OSBPL11: variants seen among roughly 807,000 people sequenced by gnomAD.
OSBPL11 encodes the protein oxysterol binding protein like 11.
Under a neutral mutation model 84.4 loss-of-function variants are expected in OSBPL11, and 33 were observed. The ratio of observed to expected loss-of-function variants is 0.39; its 90% CI spans 0.30 to 0.52. OSBPL11 has a LOEUF of 0.52. OSBPL11 is among the 20% of genes least tolerant of loss of function. The probability of loss-of-function intolerance (pLI) is 0.72; values close to 1 mark genes in which losing one functional copy is unlikely to be tolerated. For missense variants in OSBPL11, 736 were observed against 901.1 expected (o/e 0.82, Z 2.35); for synonymous variants, 276 against 310.2 (o/e 0.89, Z 1.16).
chr3:125,557,853 G>GCACAATCTT (rs572420406), intron 8 of OSBPL11, among the ~76,000 whole-genome samples: 82 of 141,300 alleles, frequency 5.8e-4, no homozygotes, highest in South Asian at 2.0e-3. Context: ...GCTGGCAGTG[G>GCACAATCTT]CACAATCTTG....
chr3:125,556,845 T>A (rs28564474), intron 8 of OSBPL11, among the ~76,000 whole-genome samples: 20,267 of 152,204 alleles, frequency 0.13, 1,372 homozygotes, highest in South Asian at 0.18. Flanking sequence ...GAGGAAAAAG[T>A]AGAGGACTAT....
At position 125,531,902 on chromosome 3, in the gene OSBPL11, C is replaced by T. The variant is rs903709449; in HGVS notation, c.2137G>A (p.Glu713Lys). 2 of 1,613,900 alleles carry T rather than the reference C, an allele frequency of 1.2e-6. No homozygotes were observed. Among genetic ancestry groups the T allele is most frequent in the Non-Finnish European group, 1.7e-6 (2 of 1,179,956 alleles). Residue 713 changes from glutamate (E) to lysine (K), a missense_variant, in exon 12 of 13, where the codon GAA becomes AAA. Transcript: ENST00000296220. ...TTGGTTTTCCAAGGTGTGCCTGTTT[C>T]AGTACGATGCCTTTCTTCAGTCCTC... ...RQRTEERHRT[E>K]TGTPWKTKYF...
intron 1 of OSBPL11, among the ~76,000 whole-genome samples, chr3:125,589,615 A>G (rs2107614165): frequency 6.6e-6 from 1 of 150,864 alleles, no homozygotes; most frequent in Non-Finnish European, 1.5e-5. Flanking sequence ...ACCCCTGCAG[A>G]GGAAAAAAAA....
At chr3:125,536,098 G>A (rs1935636771) in intron 11 of OSBPL11, among the ~76,000 whole-genome samples, 1 of 145,456 alleles carries the variant, frequency 6.9e-6, no homozygotes, top group South Asian at 2.1e-4. Flanking sequence ...TCATGCCACT[G>A]CACTCCAACT....
In OSBPL11 at chr3:125,532,023, CA is replaced by C; in HGVS notation, c.2025-10del. 5 of 1,594,140 alleles carry C rather than the reference CA, an allele frequency of 3.1e-6. No individual in the cohort carries two copies. Among genetic ancestry groups the C allele is most frequent in the Admixed American group, 3.7e-5 (2 of 54,416 alleles). On this transcript the variant is annotated splice_polypyrimidine_tract_variant and intron_variant, in intron 11 of 12. Coordinates refer to ENST00000296220, the MANE Select transcript of OSBPL11 (RefSeq NM_022776.5). ...CATTTTTCCACAATCGCCTGAAATC[CA>C]AAAACCACACATTTTACAAGCATTC...
chr3:125,592,337 C>T (rs924708139), intron 1 of OSBPL11, among the ~76,000 whole-genome samples: 4 of 152,040 alleles, frequency 2.6e-5, no homozygotes, highest in Non-Finnish European at 5.9e-5. Flanking sequence ...AGCTACAGTG[C>T]CAGCCAAAAC....
At position 125,560,580 on chromosome 3, in the gene OSBPL11, C is replaced by G. The variant is rs369193930; in HGVS notation, c.1015-61G>C. 3.6e-5 allele frequency: 49 copies of G among 1,349,998 alleles called. No homozygotes were observed. The African/African-American group carries it at 6.8e-4, about 19-fold the overall frequency. The allele number at this position is 1,349,998 out of a possible 1,614,324, so 83.6% of individuals were successfully genotyped here. ...ACTACCTATTCATATCCATTGAGAA[C>G]AAAACAATAAATATCAGACTTGAAG... On this transcript the variant is annotated intron_variant, in intron 7 of 12. Coordinates refer to ENST00000296220, the MANE Select transcript of OSBPL11 (RefSeq NM_022776.5).
chr3:125,537,563 C>A (rs1218715223), intron 11 of OSBPL11, among the ~76,000 whole-genome samples: 1 of 152,118 alleles, frequency 6.6e-6, no homozygotes. Flanking sequence ...TATTTTTTGA[C>A]CCACTCTGAA....
chr3:125,566,794 A>T lies in OSBPL11; in HGVS notation c.868+600T>A, dbSNP rs56656605. On this transcript the variant is annotated intron_variant, in intron 6 of 12. Transcript: ENST00000296220. ...TATATATGTGTGTATATATATATAT[A>T]TTTTTTTTTTAATGGGGTCTCATTC... 7.0e-3 allele frequency among the ~76,000 whole-genome samples: 1,007 copies of T among 144,672 alleles called. 7 individuals carry two copies. The highest frequency in any genetic ancestry group is 0.029 in the East Asian group (146 of 4,988). 94.9% of individuals were successfully genotyped at this position (144,672 alleles called of 152,430 possible).
chr3:125,538,273 ATAT>A (rs1428062294), intron 11 of OSBPL11, among the ~76,000 whole-genome samples, 175 bp downstream of exon 11: 4 of 152,224 alleles, frequency 2.6e-5, no homozygotes. Context: ...ATGTGACTGT[ATAT>A]CAAAGAATCT....
intron 10 of OSBPL11, among the ~76,000 whole-genome samples, chr3:125,543,911 T>C (rs2107590988): frequency 6.6e-6 from 1 of 151,592 alleles, no homozygotes; most frequent in East Asian, 1.9e-4. Flanking sequence ...AAAATAAAAA[T>C]AAAAAAAATA....
intron 11 of OSBPL11, among the ~76,000 whole-genome samples, chr3:125,537,861 A>G (rs1158438720): frequency 6.6e-6 from 1 of 152,212 alleles, no homozygotes; most frequent in Non-Finnish European, 1.5e-5. Context: ...GTATAGATCC[A>G]CTTTATTTTT....
intron 10 of OSBPL11, among the ~76,000 whole-genome samples, chr3:125,541,105 A>C (rs1329737082): frequency 6.6e-6 from 1 of 152,224 alleles, no homozygotes; most frequent in Non-Finnish European, 1.5e-5. Context: ...GCTGTGTTCC[A>C]ATAAAATTTA....
intron 10 of OSBPL11, among the ~76,000 whole-genome samples, chr3:125,542,697 A>T (rs890800356): frequency 6.6e-6 from 1 of 151,988 alleles, no homozygotes; most frequent in Admixed American, 6.6e-5. Context: ...TTTTTAGTAG[A>T]GACGGGGTTT....
intron 7 of OSBPL11, among the ~76,000 whole-genome samples, chr3:125,561,709 T>G (rs1414903199): frequency 6.6e-6 from 1 of 152,204 alleles, no homozygotes; most frequent in Non-Finnish European, 1.5e-5. Context: ...GAGGCACAAT[T>G]TACACTGCAT....
chr3:125,567,637 GT>G, intron 5 of OSBPL11, 42 bp from the exon 6 acceptor site: 1 of 1,488,002 alleles, frequency 6.7e-7, no homozygotes, highest in Non-Finnish European at 9.4e-7. Flanking sequence ...CATGATTTCT[GT>G]AAAACATGTA....
intron 2 of OSBPL11, 33 bp downstream of exon 2, chr3:125,582,877 A>C (rs1458886283): frequency 6.7e-7 from 1 of 1,485,518 alleles, no homozygotes; most frequent in African/African-American, 1.4e-5. Context: ...CTCTCTTAGG[A>C]GAGACTGATG....
At chr3:125,584,588 T>C (rs1216503556) in intron 1 of OSBPL11, among the ~76,000 whole-genome samples, 1 of 152,184 alleles carries the variant, frequency 6.6e-6, no homozygotes, top group African/African-American at 2.4e-5. Flanking sequence ...CATTACTACA[T>C]AAATGTCAAG....
chr3:125,549,531 G>GC (rs1386419060), intron 9 of OSBPL11, among the ~76,000 whole-genome samples: 8 of 152,130 alleles, frequency 5.3e-5, no homozygotes, highest in African/African-American at 1.9e-4. Context: ...ATGCAGGCTG[G>GC]AGTACAGTGG....
Sources: gnomAD v4.1 joint callset for allele counts (sites outside exome capture counted in the v4.1 genomes callset) on GRCh38, gnomAD v4.1.1 for gene constraint, MANE v1.5 for transcripts, NCBI Gene and HGNC (gene_info 2026-07-23, HGNC 2026-07-21) for gene names.